Variants in SCUBE2 observed in about 807,000 individuals in gnomAD.
The protein encoded by SCUBE2 is signal peptide, CUB and EGF-like domain-containing protein 2.
Under a neutral mutation model 125.9 loss-of-function variants are expected in SCUBE2, and 114 were observed. That is an observed-to-expected ratio of 0.91 (90% CI 0.78 to 1.06). The LOEUF (loss-of-function observed/expected upper bound fraction) is 1.06, where lower values mean the gene tolerates loss of function less well. SCUBE2 is among the 50% of genes least tolerant of loss of function. SCUBE2 has a pLI of 0.00. For synonymous variants in SCUBE2, 459 were observed against 492.9 expected (o/e 0.93, Z 0.91); for missense variants, 1,255 against 1,301.8 (o/e 0.96, Z 0.55).
intron 14 of SCUBE2, chr11:9,049,786 G>C (rs1465018048): frequency 6.6e-6 from 1 of 152,084 alleles, no homozygotes; most frequent in Non-Finnish European, 1.5e-5. Context: ...TTACATCTCA[G>C]CATTATAACA....
At chr11:9,043,213 C>T (rs1857399738) in intron 16 of SCUBE2, among the ~76,000 whole-genome samples, 1 of 152,170 alleles carries the variant, frequency 6.6e-6, no homozygotes, top group Non-Finnish European at 1.5e-5. Context: ...TTCTAAAAAT[C>T]TCAGCAAGTT....
At chr11:9,057,278 A>C (rs1859179931) in intron 9 of SCUBE2, 1 of 152,228 alleles carries the variant, frequency 6.6e-6, no homozygotes, top group African/African-American at 2.4e-5. Flanking sequence ...AGGAAACATT[A>C]TGTGGAACAG....
At chr11:9,067,043 A>C (rs1424461831) in intron 5 of SCUBE2, among the ~76,000 whole-genome samples, 1 of 152,214 alleles carries the variant, frequency 6.6e-6, no homozygotes, top group African/African-American at 2.4e-5. Context: ...AAACAAAGTC[A>C]TACAGGAAGA....
chr11:9,031,797 A>G (rs563625224), intron 17 of SCUBE2, among the ~76,000 whole-genome samples: 2 of 152,350 alleles, frequency 1.3e-5, no homozygotes, highest in African/African-American at 4.8e-5. Context: ...AGATGCTATC[A>G]AAATCTGCTA....
At chr11:9,083,734 G>T (rs933087082) in intron 2 of SCUBE2, among the ~76,000 whole-genome samples, 9 of 151,898 alleles carry the variant, frequency 5.9e-5, no homozygotes, top group Non-Finnish European at 1.0e-4. Context: ...TAGAGACGGG[G>T]TTTCACTATC....
chr11:9,064,408 G>C (rs1195075210), intron 7 of SCUBE2: 2 of 150,710 alleles, frequency 1.3e-5, no homozygotes, highest in Non-Finnish European at 2.9e-5. Flanking sequence ...GGAGGTTGCA[G>C]TGAGATATGA....
rs754592933 is a variant in SCUBE2, at chr11:9,091,193, G to T, written c.133+203C>A. On this transcript the variant is annotated intron_variant, in intron 1 of 22. Coordinates refer to ENST00000649792, the MANE Select transcript of SCUBE2 (RefSeq NM_001367977.2). The surrounding 1 kb of genome is among the most constrained non-coding windows in gnomAD (Gnocchi z 8.5). ...CGTCAGCAGCTCCGGGTCCGAGGCC[G>T]GGCCGAAGGACTCAGGGCCCCAGCG... is the stretch of plus-strand genomic sequence containing the variant. 1.3e-5 allele frequency among the ~76,000 whole-genome samples: 2 copies of T among 152,032 alleles called. No homozygotes were observed. Among genetic ancestry groups the T allele is most frequent in the African/African-American group, 4.8e-5 (2 of 41,412 alleles).
intron 16 of SCUBE2, among the ~76,000 whole-genome samples, chr11:9,045,606 GACAGACACACAC>G (rs1306583766): frequency 0.016 from 1,799 of 115,184 alleles, 6 homozygotes; most frequent in Non-Finnish European, 0.023. Context: ...AAGACAGACA[GACAGACACACAC>G]ACACACACAC....
intron 4 of SCUBE2, among the ~76,000 whole-genome samples, chr11:9,072,007 C>G (rs1278063302): frequency 6.6e-6 from 1 of 151,826 alleles, no homozygotes. Flanking sequence ...TTTGGAGTCT[C>G]TAAGGATAAA....
intron 2 of SCUBE2, among the ~76,000 whole-genome samples, chr11:9,085,894 G>A (rs1411735122): frequency 2.7e-5 from 4 of 150,024 alleles, no homozygotes; most frequent in South Asian, 2.1e-4. Context: ...GTGCAGTGGC[G>A]CAATCACAGC....
chr11:9,024,004 TG>T (rs1172405057), intron 21 of SCUBE2, among the ~76,000 whole-genome samples: 1 of 151,020 alleles, frequency 6.6e-6, no homozygotes, highest in Admixed American at 6.6e-5. Context: ...AATATATGTT[TG>T]AAAAAAAAAA....
Position 9,079,580 on chromosome 11 carries a change from C to T in SCUBE2, c.257-71G>A, listed in dbSNP as rs944011449. On this transcript the variant is annotated intron_variant, in intron 2 of 22. Coordinates refer to ENST00000649792, the MANE Select transcript of SCUBE2 (RefSeq NM_001367977.2). ...ATGTGAAAACATATGCACTTACCTCCAGCCATTCCACTTCTAGGAATCTAC... is the reference window on the plus strand; with the variant it reads ...ATGTGAAAACATATGCACTTACCTCTAGCCATTCCACTTCTAGGAATCTAC... The T allele has an allele frequency of 6.1e-6, 9 of 1,480,982 alleles. No individual in the cohort carries two copies. In the Middle Eastern group the frequency reaches 8.7e-4, roughly 143 times the overall value. 91.7% of individuals were successfully genotyped at this position (1,480,982 alleles called of 1,614,324 possible).
At chr11:9,025,505 A>G (rs1355214298) in intron 21 of SCUBE2, 197 bp downstream of exon 21, 1 of 553,908 alleles carries the variant, frequency 1.8e-6, no homozygotes, top group South Asian at 2.4e-5. Flanking sequence ...TATATTTTAT[A>G]AAACATCTTT....
chr11:9,021,989 T>C lies in SCUBE2; in HGVS notation c.2855-34A>G, dbSNP rs777897025. The C allele has an allele frequency of 7.3e-6, 11 of 1,497,866 alleles. No homozygotes were observed. In the East Asian group the frequency reaches 2.0e-4, roughly 28 times the overall value. The allele number at this position is 1,497,866 out of a possible 1,614,324, so 92.8% of individuals were successfully genotyped here. ...ATAAAGAACATGTTTTGCATTCTTA[T>C]GATTTAGTTGCTTCCAAACTCACTC... On this transcript the variant is annotated intron_variant, in intron 21 of 22. Transcript: ENST00000649792.
chr11:9,024,987 C>G (rs1855603065), intron 21 of SCUBE2, among the ~76,000 whole-genome samples: 1 of 152,160 alleles, frequency 6.6e-6, no homozygotes, highest in Non-Finnish European at 1.5e-5. Flanking sequence ...AACAAATAAG[C>G]TCAGGAAGAA....
At position 9,052,789 on chromosome 11, in the gene SCUBE2, A is replaced by G. The variant is rs1289768202; in HGVS notation, c.1491T>C (p.Pro497=). The change falls in exon 13 of 23, where the codon CCT becomes CCC. Residue 497 remains proline, a synonymous_variant. Coordinates refer to ENST00000649792, the MANE Select transcript of SCUBE2 (RefSeq NM_001367977.2). The part of the protein sequence containing the change: ...AYSVTCGSSS[P]LRNKQQKSND... Reference sequence around the variant, plus strand: ...TTGATTTTTGTTGTTTGTTCCTGAGAGGAGAGGAAGAGCCACAGGTGACAG... The same window carrying G: ...TTGATTTTTGTTGTTTGTTCCTGAGGGGAGAGGAAGAGCCACAGGTGACAG... The G allele has an allele frequency of 2.6e-6, 4 of 1,537,060 alleles. No homozygotes were observed. The highest frequency in any genetic ancestry group is 3.5e-6 in the Non-Finnish European group (4 of 1,146,852).
chr11:9,073,523 A>G (rs1381507836), intron 4 of SCUBE2, among the ~76,000 whole-genome samples: 1 of 152,250 alleles, frequency 6.6e-6, no homozygotes, highest in Non-Finnish European at 1.5e-5. Flanking sequence ...AACCCTTGAA[A>G]AGTTACCAAG....
intron 16 of SCUBE2, among the ~76,000 whole-genome samples, chr11:9,045,328 T>TGTATACA (rs1857596667): frequency 6.6e-6 from 1 of 152,196 alleles, no homozygotes; most frequent in East Asian, 1.9e-4. Context: ...TATACATTTC[T>TGTATACA]GTGCCATTTG....
chr11:9,051,237 C>CCTACCTACCTACCTACCTAT (rs1555245415), intron 13 of SCUBE2, among the ~76,000 whole-genome samples: 2 of 150,396 alleles, frequency 1.3e-5, no homozygotes, highest in South Asian at 4.2e-4. Context: ...TACCTACCTA[C>CCTACCTACCTACCTACCTAT]CTATCTATCT....
Sources: allele counts gnomAD v4.1 joint callset (sites outside exome capture counted in the v4.1 genomes callset), GRCh38; gene constraint gnomAD v4.1.1; non-coding constraint Gnocchi (gnomAD v3.1); transcripts MANE v1.5; gene names NCBI Gene and HGNC (gene_info 2026-07-23, HGNC 2026-07-21).